The following SLC8A3 variants were observed in gnomAD, a reference collection of about 807,000 sequenced individuals.
SLC8A3 encodes solute carrier family 8 member A3.
In SLC8A3, 37 loss-of-function variants were observed where a neutral mutation model predicts 65.4. That is an observed-to-expected ratio of 0.57 (90% CI 0.44 to 0.74). The LOEUF (loss-of-function observed/expected upper bound fraction) is 0.74, where lower values mean the gene tolerates loss of function less well. Ranked by LOEUF, SLC8A3 falls within the 30% of genes least tolerant of loss-of-function variation. The pLI, the probability that SLC8A3 is intolerant of heterozygous loss-of-function variation, is 0.00. For missense variants in SLC8A3, 1,112 were observed against 1,172.1 expected, an observed-to-expected ratio of 0.95 and a Z score of 0.75; for synonymous variants, 461 against 444.5, an observed-to-expected ratio of 1.04 and a Z score of -0.47.
At chr14:70,128,728 A>T (rs1186045376) in intron 2 of SLC8A3, among the ~76,000 whole-genome samples, 1 of 152,210 alleles carries the variant, frequency 6.6e-6, no homozygotes, top group Non-Finnish European at 1.5e-5. Flanking sequence ...TAATCAATGG[A>T]TCAGGCCTCA....
chr14:70,128,568 C>A (rs1210807329), intron 2 of SLC8A3, among the ~76,000 whole-genome samples: 1 of 152,170 alleles, frequency 6.6e-6, no homozygotes, highest in Non-Finnish European at 1.5e-5. Context: ...CCCATCTAAC[C>A]CATTCTCTTA....
At chr14:70,179,628 GGACA>G (rs1196165489) in intron 1 of SLC8A3, among the ~76,000 whole-genome samples, 1 of 152,146 alleles carries the variant, frequency 6.6e-6, no homozygotes, top group African/African-American at 2.4e-5. Context: ...CATAGTGTTT[GGACA>G]GAAGTCGTGA....
At chr14:70,130,063 A>G (rs543573505) in intron 2 of SLC8A3, among the ~76,000 whole-genome samples, 36 of 152,252 alleles carry the variant, frequency 2.4e-4, no homozygotes, top group South Asian at 1.9e-3. Flanking sequence ...CTTTCCCTCA[A>G]TGAATTGTTT....
intron 1 of SLC8A3, among the ~76,000 whole-genome samples, chr14:70,172,535 G>T (rs1431974657): frequency 6.6e-6 from 1 of 152,200 alleles, no homozygotes; most frequent in Non-Finnish European, 1.5e-5. Flanking sequence ...CTGTTTCGAT[G>T]CCTAGTTCCC....
chr14:70,076,442 G>T (rs1437250519), intron 2 of SLC8A3, among the ~76,000 whole-genome samples: 1 of 152,190 alleles, frequency 6.6e-6, no homozygotes, highest in Non-Finnish European at 1.5e-5. Flanking sequence ...ATATATATTT[G>T]TTGAATGAAT....
At chr14:70,063,310 G>A (rs1190499779) in intron 2 of SLC8A3, among the ~76,000 whole-genome samples, 1 of 152,214 alleles carries the variant, frequency 6.6e-6, no homozygotes, top group East Asian at 1.9e-4. Flanking sequence ...GCTTTTGGGA[G>A]GGGAATGAAC....
At chr14:70,146,899 C>T (rs970332201) in intron 2 of SLC8A3, among the ~76,000 whole-genome samples, 9 of 152,056 alleles carry the variant, frequency 5.9e-5, no homozygotes, top group Non-Finnish European at 1.3e-4. Flanking sequence ...ATGCTGTTGC[C>T]TAGAGAGTTC....
intron 2 of SLC8A3, among the ~76,000 whole-genome samples, chr14:70,139,841 A>G (rs1895449938): frequency 1.3e-5 from 2 of 152,178 alleles, no homozygotes; most frequent in Non-Finnish European, 2.9e-5. Flanking sequence ...ACTGAATACC[A>G]TCTCCAAATA....
intron 1 of SLC8A3, among the ~76,000 whole-genome samples, chr14:70,176,481 AG>A (rs1897917823): frequency 6.6e-6 from 1 of 152,234 alleles, no homozygotes; most frequent in South Asian, 2.1e-4. Context: ...ATTGATTTTA[AG>A]ATACAGACAA....
At chr14:70,151,927 C>A (rs1182987314) in intron 2 of SLC8A3, among the ~76,000 whole-genome samples, 1 of 152,048 alleles carries the variant, frequency 6.6e-6, no homozygotes, top group Non-Finnish European at 1.5e-5. Context: ...TCTAGTATAA[C>A]CTCATCATAA....
chr14:70,184,987 G>A (rs1883072558), intron 1 of SLC8A3, among the ~76,000 whole-genome samples: 1 of 120,650 alleles, frequency 8.3e-6, no homozygotes, highest in African/African-American at 3.2e-5. Context: ...TTTTTTTTGA[G>A]ATGGAGTCTT....
intron 2 of SLC8A3, among the ~76,000 whole-genome samples, chr14:70,092,533 C>T (rs1230336910): frequency 6.6e-6 from 1 of 152,202 alleles, no homozygotes; most frequent in Non-Finnish European, 1.5e-5. Context: ...TTCCCACACC[C>T]CTGGTTTGGG....
At chr14:70,074,797 C>A (rs1393057736) in intron 2 of SLC8A3, among the ~76,000 whole-genome samples, 5 of 151,974 alleles carry the variant, frequency 3.3e-5, no homozygotes, top group African/African-American at 9.7e-5. Flanking sequence ...TGCAACAAAT[C>A]CATGATAAAC....
At chr14:70,139,066 A>C (rs962235909) in intron 2 of SLC8A3, among the ~76,000 whole-genome samples, 1 of 152,166 alleles carries the variant, frequency 6.6e-6, no homozygotes, top group African/African-American at 2.4e-5. Context: ...CCCCAGGCTT[A>C]AGGACAGAAG....
intron 1 of SLC8A3, among the ~76,000 whole-genome samples, chr14:70,169,059 C>T (rs530890941): frequency 9.9e-5 from 15 of 152,276 alleles, no homozygotes; most frequent in African/African-American, 3.6e-4. Flanking sequence ...TTTGTACATG[C>T]CATTATTCTC....
chr14:70,184,150 A>T (rs12433054), intron 1 of SLC8A3, among the ~76,000 whole-genome samples: 25,961 of 152,112 alleles, frequency 0.17, 2,511 homozygotes, highest in Admixed American at 0.26. Flanking sequence ...GAGTCTGTAC[A>T]TTGAAACAGA....
chr14:70,132,870 T>C (rs1429722369), intron 2 of SLC8A3, among the ~76,000 whole-genome samples: 1 of 151,964 alleles, frequency 6.6e-6, no homozygotes, highest in Admixed American at 6.6e-5. Flanking sequence ...CAGAAGGAGA[T>C]CTTCAAATCT....
chr14:70,152,589 C>A (rs910327010), intron 2 of SLC8A3, among the ~76,000 whole-genome samples: 1 of 152,040 alleles, frequency 6.6e-6, no homozygotes, highest in Admixed American at 6.5e-5. Flanking sequence ...AGGGATTTAG[C>A]CATGAGAAGA....
chr14:70,047,623 T>A (rs1391251130), intron 6 of SLC8A3: 1 of 152,260 alleles, frequency 6.6e-6, no homozygotes, highest in Non-Finnish European at 1.5e-5. Context: ...TTGATGTGAA[T>A]TCAGCTACTC....
Sources: gnomAD v4.1 joint callset for allele counts (sites outside exome capture counted in the v4.1 genomes callset) on GRCh38, gnomAD v4.1.1 for gene constraint, MANE v1.5 for transcripts, NCBI Gene and HGNC (gene_info 2026-07-23, HGNC 2026-07-21) for gene names.